FILIP1L: variants seen among roughly 807,000 people sequenced by gnomAD.
The protein encoded by FILIP1L is filamin A-interacting protein 1-like.
Under a neutral mutation model 96.6 loss-of-function variants are expected in FILIP1L, and 55 were observed. The observed-to-expected ratio is 0.57, with a 90% CI of 0.46 to 0.71. FILIP1L has a LOEUF of 0.71. FILIP1L is among the 30% of genes least tolerant of loss of function. FILIP1L has a pLI of 0.00. For missense variants in FILIP1L, 1,304 were observed against 1,321.2 expected (o/e 0.99, Z 0.20); for synonymous variants, 467 against 473.9 (o/e 0.99, Z 0.19).
rs115092847 is a variant in FILIP1L, at chr3:99,868,812, C to G, written c.606-17742G>C. Among the ~76,000 whole-genome samples, 873 of 152,280 alleles carry G rather than the reference C, an allele frequency of 5.7e-3. 11 individuals are homozygous for G. Among genetic ancestry groups the G allele is most frequent in the African/African-American group, 0.016 (674 of 41,570 alleles). ...CATCTTTTCCATGAATGTTTCTTAA[C>G]TTGTCTAACCCTGGCTGATTTTCCT... On this transcript the variant is annotated intron_variant, in intron 4 of 5. Transcript: ENST00000477258.
In FILIP1L at chr3:99,829,754, A is replaced by C. The variant is rs1942613428; in HGVS notation, c.*660T>G. 6.6e-6 allele frequency among the ~76,000 whole-genome samples: 1 copy of C among 152,210 alleles called. No individual in the cohort carries two copies. Among genetic ancestry groups the C allele is most frequent in the Non-Finnish European group, 1.5e-5 (1 of 68,044 alleles). ...TGGAATATTGATTCATGTCTCCCTA[A>C]AATATCTCAATGTTACTGAGACTAA... On this transcript the variant is annotated 3_prime_UTR_variant, in exon 6 of 6. Coordinates refer to ENST00000477258, the MANE Select transcript of FILIP1L (RefSeq NM_001387850.1).
intron 1 of FILIP1L, among the ~76,000 whole-genome samples, chr3:99,955,491 T>C (rs2107694235): frequency 6.6e-6 from 1 of 152,318 alleles, no homozygotes; most frequent in Middle Eastern, 3.4e-3. Context: ...CGGAATTTAG[T>C]GGCCCAAGTT....
intron 4 of FILIP1L, among the ~76,000 whole-genome samples, chr3:99,862,548 T>C (rs1458966415): frequency 6.6e-6 from 1 of 152,118 alleles, no homozygotes; most frequent in Non-Finnish European, 1.5e-5. Flanking sequence ...CACTGTAGGG[T>C]GTTTAGCAGC....
chr3:100,095,302 A>G (rs2066185689), intron 1 of FILIP1L, among the ~76,000 whole-genome samples: 1 of 152,152 alleles, frequency 6.6e-6, no homozygotes, highest in African/African-American at 2.4e-5. Context: ...TTCCATTAAC[A>G]CTATATATCA....
chr3:100,081,465 A>G (rs780347613), intron 1 of FILIP1L, among the ~76,000 whole-genome samples: 5 of 152,208 alleles, frequency 3.3e-5, no homozygotes, highest in African/African-American at 4.8e-5. Context: ...GAATCTGATT[A>G]TACTTGACAA....
chr3:99,883,715 T>C (rs948585579), intron 4 of FILIP1L, among the ~76,000 whole-genome samples: 14 of 152,214 alleles, frequency 9.2e-5, no homozygotes, highest in African/African-American at 3.4e-4. Context: ...GACTTCATTG[T>C]TATAATAATA....
intron 3 of FILIP1L, among the ~76,000 whole-genome samples, chr3:99,924,675 T>G (rs1003819539): frequency 1.3e-5 from 2 of 152,074 alleles, no homozygotes; most frequent in Admixed American, 1.3e-4. Context: ...TGCGCCACCA[T>G]GCCCAACTAA....
intron 1 of FILIP1L, among the ~76,000 whole-genome samples, chr3:99,961,412 C>T (rs1708486528): frequency 6.6e-6 from 1 of 152,046 alleles, no homozygotes; most frequent in Admixed American, 6.5e-5. Context: ...TCTACAATGA[C>T]TCTTATGCTA....
At chr3:99,931,815 C>T (rs1305777349) in intron 1 of FILIP1L, among the ~76,000 whole-genome samples, 1 of 152,140 alleles carries the variant, frequency 6.6e-6, no homozygotes, top group East Asian at 1.9e-4. Flanking sequence ...ATTATATAAT[C>T]ATCCAAATGA....
At position 99,914,597 on chromosome 3, in the gene FILIP1L, T is replaced by C. The variant is rs377191787; in HGVS notation, c.605+9633A>G. Among the ~76,000 whole-genome samples, 9 of 152,296 alleles carry C rather than the reference T, an allele frequency of 5.9e-5. No homozygotes were observed. In the South Asian group the frequency reaches 1.9e-3, roughly 32 times the overall value. On this transcript the variant is annotated intron_variant, in intron 4 of 5. Transcript: ENST00000477258. ...TCAGGTAAAGTTATAAAGTAAGAAA[T>C]TGGTTCTCTTCTTCATTGTTAGTAA...
At chr3:99,890,444 C>T (rs1407919359) in intron 4 of FILIP1L, among the ~76,000 whole-genome samples, 1 of 152,050 alleles carries the variant, frequency 6.6e-6, no homozygotes, top group Non-Finnish European at 1.5e-5. Flanking sequence ...TCAAATATGG[C>T]TTCTGAACAG....
intron 4 of FILIP1L, among the ~76,000 whole-genome samples, chr3:99,888,302 G>T (rs1055207718): frequency 9.2e-5 from 14 of 152,002 alleles, no homozygotes; most frequent in African/African-American, 3.4e-4. Flanking sequence ...GAAGGTTGAG[G>T]CTACAGTGAG....
At chr3:100,036,865 G>T (rs755827747) in intron 1 of FILIP1L, among the ~76,000 whole-genome samples, 5 of 152,168 alleles carry the variant, frequency 3.3e-5, no homozygotes, top group Non-Finnish European at 7.3e-5. Context: ...ATATTACGCA[G>T]TGAGAAAGAT....
chr3:99,870,456 A>G (rs905099343), intron 4 of FILIP1L, among the ~76,000 whole-genome samples: 1 of 152,168 alleles, frequency 6.6e-6, no homozygotes, highest in Non-Finnish European at 1.5e-5. Context: ...TCATTGCATT[A>G]CCAGTCAATT....
intron 1 of FILIP1L, among the ~76,000 whole-genome samples, chr3:99,983,431 T>C (rs1276212191): frequency 2.8e-5 from 2 of 71,944 alleles, no homozygotes; most frequent in African/African-American, 1.1e-4. Context: ...TATGTATGTA[T>C]GTATATATAT....
intron 1 of FILIP1L, among the ~76,000 whole-genome samples, chr3:100,042,072 G>A (rs1373647561): frequency 6.6e-6 from 1 of 151,902 alleles, no homozygotes; most frequent in Non-Finnish European, 1.5e-5. Context: ...GCTCTGGATC[G>A]TAATCCATCC....
chr3:100,106,181 T>A (rs2107466981), intron 1 of FILIP1L, among the ~76,000 whole-genome samples: 1 of 152,270 alleles, frequency 6.6e-6, no homozygotes, highest in Middle Eastern at 3.4e-3. Flanking sequence ...AGAGGTTGAC[T>A]TATCAAAAGG....
chr3:99,961,216 C>T (rs1025456882), intron 1 of FILIP1L, among the ~76,000 whole-genome samples: 3 of 152,124 alleles, frequency 2.0e-5, no homozygotes, highest in East Asian at 1.9e-4. Flanking sequence ...GGAGAATGCC[C>T]GAGGGGATCC....
At chr3:99,913,815 C>T (rs1306554052) in intron 4 of FILIP1L, among the ~76,000 whole-genome samples, 1 of 152,150 alleles carries the variant, frequency 6.6e-6, no homozygotes, top group Non-Finnish European at 1.5e-5. Context: ...AAAGAAAAAA[C>T]GTAGAAAACA....
Sources: allele counts gnomAD v4.1 joint callset (sites outside exome capture counted in the v4.1 genomes callset), GRCh38; gene constraint gnomAD v4.1.1; transcripts MANE v1.5; gene names NCBI Gene and HGNC (gene_info 2026-07-23, HGNC 2026-07-21).